ARHGAP45: variants seen among roughly 807,000 people sequenced by gnomAD.
ARHGAP45 encodes the protein Rho GTPase activating protein 45.
Under a neutral mutation model 116.1 loss-of-function variants are expected in ARHGAP45, and 56 were observed. That is an observed-to-expected ratio of 0.48 (90% confidence interval 0.39 to 0.60). ARHGAP45 has a LOEUF of 0.60. Among genes scored for constraint, ARHGAP45 ranks in the 20% least tolerant of loss-of-function variants. ARHGAP45 has a pLI of 0.00. For synonymous variants in ARHGAP45, 866 were observed against 701.7 expected (o/e 1.23, Z -3.70); for missense variants, 1,622 against 1,601.0 (o/e 1.01, Z -0.22).
At chr19:1,084,947 T>C (rs1188344874) in intron 22 of ARHGAP45, among the ~76,000 whole-genome samples, 3 of 152,076 alleles carry the variant, frequency 2.0e-5, no homozygotes, top group Admixed American at 2.0e-4. Context: ...ACAGGTGTGG[T>C]GGAGGGCACC....
Position 1,082,030 on chromosome 19 carries a change from G to A in ARHGAP45, c.2517+69G>A, listed in dbSNP as rs766854811. 414 of 1,551,270 alleles carry A rather than the reference G, an allele frequency of 2.7e-4. 2 individuals carry two copies. Among genetic ancestry groups the A allele is most frequent in the Non-Finnish European group, 2.2e-4 (257 of 1,147,722 alleles). ...TAGCCAGGCAGGAGGAGGCGGGGTG[G>A]GGGTCCGGGAGCTGGAGCAGGACTG... On this transcript the variant is annotated intron_variant, in intron 19 of 22. Coordinates refer to ENST00000313093, the MANE Select transcript of ARHGAP45 (RefSeq NM_012292.5).
chr19:1,071,483 G>GGCATCCCTGC lies in ARHGAP45; in HGVS notation c.422-1663_422-1654dup, dbSNP rs1162074395. The GGCATCCCTGC allele has an allele frequency of 1.1e-5, 8 of 744,272 alleles. No homozygotes were observed. Among genetic ancestry groups the GGCATCCCTGC allele is most frequent in the Non-Finnish European group, 1.3e-5 (8 of 600,432 alleles). 46.1% of individuals were successfully genotyped at this position (744,272 alleles called of 1,614,324 possible). On this transcript the variant is annotated intron_variant, in intron 2 of 22. Transcript: ENST00000313093. The surrounding 1 kb of genome is among the most constrained non-coding windows in gnomAD (Gnocchi z 4.6). ...CGCCTGGCCTGGCCGTGCGCACCTGGGCATCCCTGCGCTGCGCAGGGGTCG... is the reference window on the plus strand; with the variant it reads ...CGCCTGGCCTGGCCGTGCGCACCTGGGCATCCCTGCGCATCCCTGCGCTGCGCAGGGGTCG...
chr19:1,072,007 C>A (rs2043148957), intron 2 of ARHGAP45, among the ~76,000 whole-genome samples: 1 of 151,712 alleles, frequency 6.6e-6, no homozygotes. Flanking sequence ...CCTGTACTCT[C>A]TGCTTTTTTC....
chr19:1,079,628 GCCTCC>G (rs2043366951), intron 11 of ARHGAP45, 70 bp from the exon 12 acceptor site: 29 of 1,540,476 alleles, frequency 1.9e-5, no homozygotes, highest in Non-Finnish European at 2.5e-5. Context: ...CGTCAGCCCC[GCCTCC>G]CTGAGGTTTC....
chr19:1,077,753 C>A (rs527883338), intron 10 of ARHGAP45, 104 bp from the exon 11 acceptor site: 12 of 1,538,058 alleles, frequency 7.8e-6, no homozygotes, highest in Non-Finnish European at 9.7e-6. Context: ...GGCCATGGGG[C>A]CTTGCTGAGA....
rs370702188 is a variant in ARHGAP45, at chr19:1,077,572, T to A, written c.1186-285T>A. 2.3e-5 allele frequency: 27 copies of A among 1,193,718 alleles called. No homozygotes were observed. In the East Asian group the frequency reaches 3.9e-4, roughly 17 times the overall value. The allele number at this position is 1,193,718 out of a possible 1,614,324, so 73.9% of individuals were successfully genotyped here. Reference sequence around the variant, plus strand: ...CTAATTGTTTTAAATTTTGGGTAGATACGGGGTTTCACTATGTTGGCCAGG... The same window carrying A: ...CTAATTGTTTTAAATTTTGGGTAGAAACGGGGTTTCACTATGTTGGCCAGG... On this transcript the variant is annotated intron_variant, in intron 10 of 22. Transcript: ENST00000313093.
At chr19:1,081,778 G>A in intron 18 of ARHGAP45, 40 bp downstream of exon 18, 2 of 1,573,392 alleles carry the variant, frequency 1.3e-6, no homozygotes, top group Non-Finnish European at 1.7e-6. Flanking sequence ...GAGGAGGCGG[G>A]AGTGGGCCGA....
In ARHGAP45 at chr19:1,081,746, G is replaced by T. The variant is rs1355024096; in HGVS notation, c.2379+8G>T. 2 of 1,559,706 alleles carry T rather than the reference G, an allele frequency of 1.3e-6. No homozygotes were observed. Among genetic ancestry groups the T allele is most frequent in the South Asian group, 1.2e-5 (1 of 86,714 alleles). On this transcript the variant is annotated splice_region_variant and intron_variant, in intron 18 of 22. Coordinates refer to ENST00000313093, the MANE Select transcript of ARHGAP45 (RefSeq NM_012292.5). The stretch of plus-strand genomic sequence containing the variant: ...CGGGCGCTGCGCACCAAGGTGAGGC[G>T]GGGGAGGAAGCGGCTCACAGCGAGG...
Position 1,085,694 on chromosome 19 carries a change from C to T in ARHGAP45, c.3099C>T (p.Asp1033=), listed in dbSNP as rs2043608672. 6.2e-7 allele frequency: 1 copy of T among 1,601,486 alleles called. No homozygotes were observed. Among genetic ancestry groups the T allele is most frequent in the Non-Finnish European group, 8.5e-7 (1 of 1,172,562 alleles). ...SRVVSNDSDS[D]LEEASELLSS... is the part of the protein sequence containing the mutation. Reference sequence around the variant, plus strand: ...TTGTGTCCAACGATTCGGACTCGGACCTAGAGGAGGCCTCCGAGCTGCTGT... The same window carrying T: ...TTGTGTCCAACGATTCGGACTCGGATCTAGAGGAGGCCTCCGAGCTGCTGT... The change falls in exon 23 of 23, where the codon GAC becomes GAT. Residue 1033 remains aspartate, a synonymous_variant. Transcript: ENST00000313093.
chr19:1,080,060 C>A lies in ARHGAP45; in HGVS notation c.1645C>A (p.Arg549=). 6.2e-7 allele frequency: 1 copy of A among 1,612,670 alleles called. No homozygotes were observed. ...CGCCTCCCACGTGCGCCAGCTGCAGCGGGACCAGGAGCCCGATGTGCACTA... is the reference window on the plus strand; with the variant it reads ...CGCCTCCCACGTGCGCCAGCTGCAGAGGGACCAGGAGCCCGATGTGCACTA... ...QYASHVRQLQ[R]DQEPDVHYDF... Residue 549 remains arginine, a synonymous_variant, in exon 13 of 23, where the codon CGG becomes AGG. Coordinates refer to ENST00000313093, the MANE Select transcript of ARHGAP45 (RefSeq NM_012292.5).
chr19:1,074,519 G>A lies in ARHGAP45; in HGVS notation c.994-95G>A, dbSNP rs2043200469. On this transcript the variant is annotated intron_variant, in intron 8 of 22. Transcript: ENST00000313093. ...GGGGCTTCCCCTCTACATTAACGGGGGTGGCTGCAGGGACCAGGGAGCTGG... is the reference window on the plus strand; with the variant it reads ...GGGGCTTCCCCTCTACATTAACGGGAGTGGCTGCAGGGACCAGGGAGCTGG... 6 of 1,398,320 alleles carry A rather than the reference G, an allele frequency of 4.3e-6. No homozygotes were observed. The South Asian group carries it at 7.0e-5, about 16-fold the overall frequency. The allele number at this position is 1,398,320 out of a possible 1,614,324, so 86.6% of individuals were successfully genotyped here.
At chr19:1,076,273 C>T in intron 10 of ARHGAP45, among the ~76,000 whole-genome samples, 1 of 152,084 alleles carries the variant, frequency 6.6e-6, no homozygotes. Flanking sequence ...CAGTTCTTAA[C>T]CTTTGCTTAG....
chr19:1,073,935 C>A lies in ARHGAP45; in HGVS notation c.724-13C>A. On this transcript the variant is annotated splice_polypyrimidine_tract_variant and intron_variant, in intron 5 of 22. Coordinates refer to ENST00000313093, the MANE Select transcript of ARHGAP45 (RefSeq NM_012292.5). Reference sequence around the variant, plus strand: ...CGCATGGGGCTGGTCTCACCTGCGTCTCCGTCCTACAGTCCATGGAAAGCC... The same window carrying A: ...CGCATGGGGCTGGTCTCACCTGCGTATCCGTCCTACAGTCCATGGAAAGCC... 6.4e-7 allele frequency: 1 copy of A among 1,552,270 alleles called. No individual in the cohort carries two copies. The highest frequency in any genetic ancestry group is 1.9e-5 in the Admixed American group (1 of 51,824).
chr19:1,080,712 C>G lies in ARHGAP45; in HGVS notation c.1943C>G (p.Ser648Cys). 6.2e-7 allele frequency: 1 copy of G among 1,613,572 alleles called. No homozygotes were observed. Among genetic ancestry groups the G allele is most frequent in the Middle Eastern group, 1.6e-4 (1 of 6,062 alleles). Residue 648 changes from serine (S) to cysteine (C), a missense_variant, in exon 16 of 23, where the codon TCC becomes TGC. This residue lies in a region of ARHGAP45 where 1,334 missense variants were observed against 1,263.8 expected (regional missense o/e 1.06). Coordinates refer to ENST00000313093, the MANE Select transcript of ARHGAP45 (RefSeq NM_012292.5). ...GDFKKFERTS[S>C]SGTMSSTEEL... ...TTTAAGAAGTTCGAGCGGACGTCAT[C>G]CAGTGGTACCATGTCGTCCACGGAG...
chr19:1,070,305 TTTTC>T (rs1406667602), intron 2 of ARHGAP45, among the ~76,000 whole-genome samples: 3 of 148,210 alleles, frequency 2.0e-5, no homozygotes, highest in East Asian at 2.0e-4. Flanking sequence ...GCTTTTCTTT[TTTTC>T]TTTCTTTTTC....
chr19:1,083,311 C>A lies in ARHGAP45; in HGVS notation c.2913C>A (p.Gly971=). ...TCGAGACTCTCATCGTCCACTACGG[C>A]CTGGTCTTCGAGGAGGAGCCGGAGG... ...RVIETLIVHY[G]LVFEEEPEET... Residue 971 remains glycine (G), a synonymous_variant, in exon 21 of 23, where the codon GGC becomes GGA. Coordinates refer to ENST00000313093, the MANE Select transcript of ARHGAP45 (RefSeq NM_012292.5). 1 of 1,570,656 alleles carries A rather than the reference C, an allele frequency of 6.4e-7. No individual in the cohort carries two copies. The highest frequency in any genetic ancestry group is 8.6e-7 in the Non-Finnish European group (1 of 1,158,062).
At position 1,069,942 on chromosome 19, in the gene ARHGAP45, G is replaced by A. The variant is rs1338465951; in HGVS notation, c.421+1198G>A. ...AGCCATCCTCCTACCTCTGCCTCCC[G>A]AGTACCTGAGACTACAGGCATGAGC... is the stretch of plus-strand genomic sequence containing the variant. On this transcript the variant is annotated intron_variant, in intron 2 of 22. Coordinates refer to ENST00000313093, the MANE Select transcript of ARHGAP45 (RefSeq NM_012292.5). This position sits in a 1 kb window ranked among gnomAD's most constrained non-coding sequence, Gnocchi z 4.1. 4.6e-5 allele frequency among the ~76,000 whole-genome samples: 7 copies of A among 151,520 alleles called. No individual in the cohort carries two copies. The East Asian group carries it at 1.4e-3, about 29-fold the overall frequency.
chr19:1,084,255 G>A lies in ARHGAP45; in HGVS notation c.2973G>A (p.Gln991=). 6.2e-7 allele frequency: 1 copy of A among 1,613,634 alleles called. No individual in the cohort carries two copies. The change falls in exon 22 of 23, where the codon CAG becomes CAA. Residue 991 remains glutamine (Q), a synonymous_variant. Transcript: ENST00000313093. The part of the protein sequence containing the change: ...TPGGQDESSN[Q]RAEVVVQVPY... ...ACTTGCAGGACGAGTCATCCAACCAGCGAGCTGAGGTAGTCGTCCAGGTGC... is the reference window on the plus strand; with the variant it reads ...ACTTGCAGGACGAGTCATCCAACCAACGAGCTGAGGTAGTCGTCCAGGTGC...
chr19:1,077,334 C>T (rs2043276359), intron 10 of ARHGAP45: 1 of 984,664 alleles, frequency 1.0e-6, no homozygotes, highest in Non-Finnish European at 1.2e-6. Flanking sequence ...ACAGGACACC[C>T]ATTTCTCCGA....
Sources: allele counts gnomAD v4.1 joint callset (sites outside exome capture counted in the v4.1 genomes callset), GRCh38; gene constraint gnomAD v4.1.1; regional missense constraint gnomAD v4.1.1; non-coding constraint Gnocchi (gnomAD v3.1); transcripts MANE v1.5; gene names NCBI Gene and HGNC (gene_info 2026-07-23, HGNC 2026-07-21).